Variants in CDKAL1 observed in about 807,000 individuals in gnomAD.
CDKAL1 encodes the protein CDKAL1 threonylcarbamoyladenosine tRNA methylthiotransferase, also known as threonylcarbamoyladenosine tRNA methylthiotransferase.
Under a neutral mutation model 68.2 loss-of-function variants are expected in CDKAL1, and 32 were observed. The ratio of observed to expected loss-of-function variants is 0.47; its 90% CI spans 0.35 to 0.63. The LOEUF (loss-of-function observed/expected upper bound fraction) is 0.63. CDKAL1 is among the 30% of genes least tolerant of loss of function. The pLI, the probability that CDKAL1 is intolerant of heterozygous loss-of-function variation, is 0.00. For missense variants in CDKAL1, 606 were observed against 696.7 expected, an observed-to-expected ratio of 0.87 and a Z score of 1.47; for synonymous variants, 234 against 244.3, an observed-to-expected ratio of 0.96 and a Z score of 0.39.
At chr6:21,134,943 A>C (rs1775512888) in intron 13 of CDKAL1, among the ~76,000 whole-genome samples, 1 of 147,828 alleles carries the variant, frequency 6.8e-6, no homozygotes, top group African/African-American at 2.5e-5. Context: ...TTATTGTTTA[A>C]TTTCTTCTAT....
At chr6:20,886,233 C>CT (rs2150570237) in intron 9 of CDKAL1, among the ~76,000 whole-genome samples, 1 of 152,240 alleles carries the variant, frequency 6.6e-6, no homozygotes, top group South Asian at 2.1e-4. Flanking sequence ...AAAATAGAAA[C>CT]TAAGTGTTGG....
intron 14 of CDKAL1, among the ~76,000 whole-genome samples, chr6:21,199,439 C>T (rs1778600634): frequency 6.6e-6 from 1 of 152,210 alleles, no homozygotes; most frequent in Non-Finnish European, 1.5e-5. Flanking sequence ...CCCCAGAGGG[C>T]CATTTTCCTA....
chr6:20,953,904 G>A (rs1427490158), intron 9 of CDKAL1, among the ~76,000 whole-genome samples: 1 of 152,122 alleles, frequency 6.6e-6, no homozygotes, highest in Admixed American at 6.5e-5. Flanking sequence ...CTTTTAAAAT[G>A]TATTGAGCTT....
chr6:21,048,881 C>G (rs964828328), intron 11 of CDKAL1, among the ~76,000 whole-genome samples: 2 of 151,802 alleles, frequency 1.3e-5, no homozygotes, highest in African/African-American at 4.8e-5. Context: ...TTGCCCTGTC[C>G]TGATATTCAT....
intron 5 of CDKAL1, among the ~76,000 whole-genome samples, chr6:20,690,004 T>C (rs73377325): frequency 0.012 from 1,871 of 152,342 alleles, 42 homozygotes; most frequent in African/African-American, 0.043. Flanking sequence ...AACTTTCACA[T>C]TGTAGACCAT....
At chr6:20,777,469 A>G (rs1488877432) in intron 7 of CDKAL1, among the ~76,000 whole-genome samples, 1 of 151,978 alleles carries the variant, frequency 6.6e-6, no homozygotes, top group Admixed American at 6.6e-5. Flanking sequence ...TTAAAAAGTA[A>G]CTGGACGTGG....
chr6:21,181,949 C>A (rs1474449748), intron 13 of CDKAL1, among the ~76,000 whole-genome samples: 1 of 152,094 alleles, frequency 6.6e-6, no homozygotes, highest in Non-Finnish European at 1.5e-5. Context: ...ATGTTTTCTT[C>A]AAGACACGTA....
At chr6:20,868,280 T>C (rs559135138) in intron 9 of CDKAL1, among the ~76,000 whole-genome samples, 1 of 152,244 alleles carries the variant, frequency 6.6e-6, no homozygotes, top group Non-Finnish European at 1.5e-5. Context: ...GCTCCTTTTT[T>C]AGTTGATCCA....
At chr6:21,167,558 C>G (rs1269226758) in intron 13 of CDKAL1, among the ~76,000 whole-genome samples, 2 of 152,198 alleles carry the variant, frequency 1.3e-5, no homozygotes, top group Non-Finnish European at 2.9e-5. Context: ...AATACACACT[C>G]TCGTTCACAT....
At chr6:20,581,362 T>C (rs1339591760) in intron 4 of CDKAL1, among the ~76,000 whole-genome samples, 2 of 152,236 alleles carry the variant, frequency 1.3e-5, no homozygotes, top group African/African-American at 4.8e-5. Flanking sequence ...GTGTAAAAGA[T>C]ACTGAGTTAG....
intron 5 of CDKAL1, among the ~76,000 whole-genome samples, chr6:20,661,546 A>G (rs575151312): frequency 1.3e-5 from 2 of 152,130 alleles, no homozygotes; most frequent in African/African-American, 2.4e-5. Flanking sequence ...GAGCAGTTTT[A>G]TTGGAAATAC....
chr6:20,574,358 A>G (rs962576), intron 4 of CDKAL1, among the ~76,000 whole-genome samples: 36,898 of 152,034 alleles, frequency 0.24, 5,266 homozygotes, highest in East Asian at 0.53. Flanking sequence ...CTCAGATGGT[A>G]TAGGGTCCTT....
chr6:20,891,873 T>C (rs1761424057), intron 9 of CDKAL1, among the ~76,000 whole-genome samples: 2 of 152,276 alleles, frequency 1.3e-5, no homozygotes, highest in Non-Finnish European at 2.9e-5. Flanking sequence ...ACTCTTCTGC[T>C]TTTCTCATGG....
At chr6:20,811,066 A>G (rs1295125499) in intron 8 of CDKAL1, among the ~76,000 whole-genome samples, 1 of 152,164 alleles carries the variant, frequency 6.6e-6, no homozygotes, top group Non-Finnish European at 1.5e-5. Context: ...CAACGTCTTC[A>G]TCTCAGGAAA....
chr6:20,622,010 A>G (rs1767217812), intron 4 of CDKAL1, among the ~76,000 whole-genome samples: 1 of 152,128 alleles, frequency 6.6e-6, no homozygotes, highest in Non-Finnish European at 1.5e-5. Context: ...GATATAATAC[A>G]TATATAAAAA....
chr6:21,088,179 C>T (rs2150965499), intron 12 of CDKAL1, among the ~76,000 whole-genome samples: 1 of 152,208 alleles, frequency 6.6e-6, no homozygotes, highest in South Asian at 2.1e-4. Flanking sequence ...TGGCTAGTGA[C>T]TATACTTCAT....
At chr6:20,773,363 T>C (rs1775026282) in intron 7 of CDKAL1, among the ~76,000 whole-genome samples, 1 of 152,212 alleles carries the variant, frequency 6.6e-6, no homozygotes, top group South Asian at 2.1e-4. Flanking sequence ...ACTTTTGTTG[T>C]TCTTTGTAAT....
Position 20,931,601 on chromosome 6 carries a change from T to G in CDKAL1, c.743-23818T>G, listed in dbSNP as rs1219796014. 2.6e-5 allele frequency among the ~76,000 whole-genome samples: 4 copies of G among 152,206 alleles called. No individual in the cohort carries two copies. In the East Asian group the frequency reaches 7.7e-4, roughly 29 times the overall value. Reference sequence around the variant, plus strand: ...ATGTGATTATCTTTAGAACACATTCTAAAGATGATTTCCAACTCACAGTAA... The same window carrying G: ...ATGTGATTATCTTTAGAACACATTCGAAAGATGATTTCCAACTCACAGTAA... On this transcript the variant is annotated intron_variant, in intron 9 of 15. Transcript: ENST00000274695.
rs975994696 is a variant in CDKAL1, at chr6:20,551,712, T to C, written c.286+3007T>C. Among the ~76,000 whole-genome samples, 19 of 152,120 alleles carry C rather than the reference T, an allele frequency of 1.2e-4. 1 individual carries two copies. The highest frequency in any genetic ancestry group is 8.3e-4 in the South Asian group (4 of 4,822). ...TTAATTTTGTATTTTTTATAACATATTCTTTAGATGGCAAAATGAGTCTTA... is the reference window on the plus strand; with the variant it reads ...TTAATTTTGTATTTTTTATAACATACTCTTTAGATGGCAAAATGAGTCTTA... On this transcript the variant is annotated intron_variant, in intron 4 of 15. Coordinates refer to ENST00000274695, the MANE Select transcript of CDKAL1 (RefSeq NM_017774.3).
Sources: gnomAD v4.1 joint callset for allele counts (sites outside exome capture counted in the v4.1 genomes callset) on GRCh38, gnomAD v4.1.1 for gene constraint, MANE v1.5 for transcripts, NCBI Gene and HGNC (gene_info 2026-07-23, HGNC 2026-07-21) for gene names.